Variants in ZNF730 observed in about 807,000 individuals in gnomAD.
ZNF730 encodes the protein putative zinc finger protein 730.
ZNF730 carries 12 observed loss-of-function variants against 12.6 expected under a neutral mutation model. That is an observed-to-expected ratio of 0.95 (90% CI 0.61 to 1.54). The LOEUF (loss-of-function observed/expected upper bound fraction) is 1.54. Among genes scored for constraint, ZNF730 ranks in the 40% most tolerant of loss-of-function variants. The probability of loss-of-function intolerance (pLI) is 0.00; values close to 1 mark genes in which losing one functional copy is unlikely to be tolerated. For synonymous variants in ZNF730, 194 were observed against 195.8 expected, an observed-to-expected ratio of 0.99 and a Z score of 0.08; for missense variants, 643 against 583.5, an observed-to-expected ratio of 1.10 and a Z score of -1.05.
rs115334663 is a variant in ZNF730, at chr19:23,133,632, G to A, written c.4-448G>A. Among the ~76,000 whole-genome samples the A allele has an allele frequency of 2.9e-3, 442 of 152,250 alleles. 2 individuals carry two copies. The highest frequency in any genetic ancestry group is 0.01 in the African/African-American group (429 of 41,556). On this transcript the variant is annotated intron_variant, in intron 1 of 3. Transcript: ENST00000597761. ...GCTGGGATTACAGGCATGAGCCACC[G>A]CACCAAGATCCAGAAACTCAGGCTT...
At chr19:23,137,681 A>G (rs1460249986) in intron 3 of ZNF730, among the ~76,000 whole-genome samples, 1 of 152,228 alleles carries the variant, frequency 6.6e-6, no homozygotes, top group Admixed American at 6.5e-5. Context: ...AGAAGCAAAC[A>G]CCTCTTCAGG....
chr19:23,118,373 T>TTG, intron 1 of ZNF730, among the ~76,000 whole-genome samples: 1 of 151,332 alleles, frequency 6.6e-6, no homozygotes, highest in South Asian at 2.1e-4. Flanking sequence ...TTTGTTTTTT[T>TTG]TTTTTGTTTT....
At chr19:23,143,445 G>T (rs1317485180) in intron 3 of ZNF730, 2 of 151,940 alleles carry the variant, frequency 1.3e-5, no homozygotes, top group Non-Finnish European at 2.9e-5. Context: ...AATTTAAAAT[G>T]TTTTCTGCAC....
At chr19:23,088,349 G>A (rs961867799) in intron 1 of ZNF730, among the ~76,000 whole-genome samples, 60 of 152,112 alleles carry the variant, frequency 3.9e-4, no homozygotes, top group African/African-American at 1.3e-3. Context: ...AATGTTTCCA[G>A]TTTTTGCCCA....
intron 1 of ZNF730, among the ~76,000 whole-genome samples, chr19:23,110,135 T>C (rs1461027668): frequency 2.5e-5 from 3 of 120,460 alleles, no homozygotes; most frequent in Non-Finnish European, 5.3e-5. Context: ...CCTGGCTAAT[T>C]TTTGTATTTT....
chr19:23,075,464 G>C (rs1317973449), intron 1 of ZNF730: 1 of 152,444 alleles, frequency 6.6e-6, no homozygotes, highest in East Asian at 1.9e-4. Context: ...CCCACAGTCC[G>C]CTCCCGGGTC....
intron 3 of ZNF730, among the ~76,000 whole-genome samples, chr19:23,137,324 C>T (rs183443007): frequency 1.3e-3 from 203 of 151,780 alleles, no homozygotes; most frequent in African/African-American, 4.8e-3. Context: ...TAAATTTGTT[C>T]TCAGAAATTT....
chr19:23,105,401 C>T lies in ZNF730; in HGVS notation c.-93-28679C>T, dbSNP rs141986336. Among the ~76,000 whole-genome samples the T allele has an allele frequency of 1.9e-3, 294 of 152,214 alleles. 3 individuals carry two copies. Among genetic ancestry groups the T allele is most frequent in the African/African-American group, 6.3e-3 (262 of 41,550 alleles). ...GTGCTGGGATTACAGGCGTGAGCTACCATGCCTGGCCAGAACCCAATATTT... is the reference window on the plus strand; with the variant it reads ...GTGCTGGGATTACAGGCGTGAGCTATCATGCCTGGCCAGAACCCAATATTT... On this transcript the variant is annotated intron_variant, in intron 1 of 2. Transcript: ENST00000593635.
chr19:23,140,843 AG>A (rs1042120780), intron 3 of ZNF730, among the ~76,000 whole-genome samples: 2 of 148,982 alleles, frequency 1.3e-5, no homozygotes, highest in Non-Finnish European at 3.0e-5. Context: ...TTCCACCTAC[AG>A]GGGAGGCTGA....
chr19:23,101,095 C>T (rs1970331085), intron 1 of ZNF730, among the ~76,000 whole-genome samples: 1 of 152,286 alleles, frequency 6.6e-6, no homozygotes, highest in South Asian at 2.1e-4. Context: ...GGACAAAGGT[C>T]ACAGAGGATT....
intron 1 of ZNF730, among the ~76,000 whole-genome samples, chr19:23,086,055 G>A (rs1024151325): frequency 2.6e-5 from 4 of 151,802 alleles, no homozygotes; most frequent in Non-Finnish European, 4.4e-5. Flanking sequence ...GTCGTGGCCA[G>A]GCTGGTCTGG....
intron 1 of ZNF730, among the ~76,000 whole-genome samples, chr19:23,129,356 A>G (rs1000173848): frequency 7.9e-5 from 12 of 152,106 alleles, no homozygotes. Context: ...GGGAGGCTGT[A>G]CCCTGCAGAG....
At chr19:23,099,590 C>A (rs1970305727) in intron 1 of ZNF730, among the ~76,000 whole-genome samples, 1 of 152,146 alleles carries the variant, frequency 6.6e-6, no homozygotes, top group Non-Finnish European at 1.5e-5. Context: ...AAATTCAGCA[C>A]ACCTTTGTGG....
At chr19:23,136,485 A>G (rs1299727399) in intron 3 of ZNF730, among the ~76,000 whole-genome samples, 1 of 151,978 alleles carries the variant, frequency 6.6e-6, no homozygotes, top group African/African-American at 2.4e-5. Context: ...GCTCACTGCA[A>G]CCTCTGTCTC....
At chr19:23,078,971 A>G (rs1039291645) in intron 1 of ZNF730, among the ~76,000 whole-genome samples, 4 of 151,140 alleles carry the variant, frequency 2.6e-5, no homozygotes, top group African/African-American at 9.8e-5. Context: ...TGCCTGGCTA[A>G]TTTCTGTATT....
intron 1 of ZNF730, among the ~76,000 whole-genome samples, chr19:23,096,994 C>T (rs1051231533): frequency 2.0e-5 from 3 of 152,158 alleles, no homozygotes; most frequent in African/African-American, 7.2e-5. Flanking sequence ...CTGGCATATT[C>T]TGGGTATAGT....
rs780401172 is a variant in ZNF730, at chr19:23,146,012, G to A, written c.968G>A (p.Trp323Ter). Residue 323 changes from tryptophan to a stop codon, truncating the protein, a stop_gained, in exon 4 of 4, where the codon TGG (tryptophan) becomes TAG (stop). Transcript: ENST00000597761. LOFTEE classifies it low-confidence loss of function (END_TRUNC). ...GAAAAATGTGGCAAAGCTTTTAAGT[G>A]GTCCTCAACCCTTACAAAACATAAA... is the stretch of plus-strand genomic sequence containing the variant. ...KCEKCGKAFK[W>*]SSTLTKHKRI... is the part of the protein sequence containing the mutation. 3 of 1,602,882 alleles carry A rather than the reference G, an allele frequency of 1.9e-6. No homozygotes were observed. The highest frequency in any genetic ancestry group is 2.5e-6 in the Non-Finnish European group (3 of 1,177,046).
chr19:23,083,509 A>G (rs992453127), intron 1 of ZNF730, among the ~76,000 whole-genome samples: 4 of 152,010 alleles, frequency 2.6e-5, no homozygotes, highest in Non-Finnish European at 4.4e-5. Context: ...GAACCTCCAT[A>G]CTATTTTCTA....
chr19:23,139,717 G>C (rs539452131), intron 3 of ZNF730, among the ~76,000 whole-genome samples: 4 of 152,080 alleles, frequency 2.6e-5, no homozygotes, highest in African/African-American at 9.6e-5. Flanking sequence ...TAGAGACAGG[G>C]TTTCACCTTG....
Sources: allele counts gnomAD v4.1 joint callset (sites outside exome capture counted in the v4.1 genomes callset), GRCh38; gene constraint gnomAD v4.1.1; transcripts MANE v1.5; gene names NCBI Gene and HGNC (gene_info 2026-07-23, HGNC 2026-07-21).